The following DMD variants were observed in gnomAD, a reference collection of about 807,000 sequenced individuals.
DMD encodes the protein mutant dystrophin.
A neutral mutation model predicts 330.1 loss-of-function variants in DMD; 63 were observed. The observed-to-expected ratio is 0.19, with a 90% CI of 0.16 to 0.24. DMD has a LOEUF of 0.24. Among genes scored for constraint, DMD ranks in the 10% least tolerant of loss-of-function variants. The pLI, the probability that DMD is intolerant of heterozygous loss-of-function variation, is 1.00. For synonymous variants in DMD, 1,223 were observed against 959.8 expected (o/e 1.27, Z -5.07); for missense variants, 3,344 against 2,684.1 (o/e 1.25, Z -5.43).
intron 17 of DMD, among the ~76,000 whole-genome samples, chrX:32,520,840 C>G (rs1025036799): frequency 5.9e-5 from 6 of 102,354 alleles, no homozygotes; most frequent in Non-Finnish European, 1.2e-4. Context: ...AGCATCCTGC[C>G]ATACTTTTTT....
At position 32,558,438 on chromosome X, in the gene DMD, A is replaced by G. The variant is rs981238503; in HGVS notation, c.1992+7264T>C. Among the ~76,000 whole-genome samples, 59 of 111,995 alleles carry G rather than the reference A, an allele frequency of 5.3e-4. 1 individual carries two copies. The highest frequency in any genetic ancestry group is 1.7e-3 in the African/African-American group (54 of 30,905). On this transcript the variant is annotated intron_variant, in intron 16 of 78. Transcript: ENST00000357033. ...TTATGTGTTATTTCATTTTTTTGTCAGGAGATAATAGGCGTATCATACAGA... is the reference window on the plus strand; with the variant it reads ...TTATGTGTTATTTCATTTTTTTGTCGGGAGATAATAGGCGTATCATACAGA...
At chrX:32,469,739 G>T (rs928977329) in intron 22 of DMD, among the ~76,000 whole-genome samples, 1 of 110,925 alleles carries the variant, frequency 9.0e-6, no homozygotes, top group Non-Finnish European at 1.9e-5. Context: ...AACAAAAATT[G>T]TAATGGCTTT....
At chrX:32,412,715 T>C (rs2098148341) in intron 29 of DMD, among the ~76,000 whole-genome samples, 2 of 111,542 alleles carry the variant, frequency 1.8e-5, no homozygotes, top group Non-Finnish European at 3.8e-5. Context: ...AGGCAACTTA[T>C]TGGGAATTCA....
chrX:32,375,070 G>T (rs778667316), intron 34 of DMD, among the ~76,000 whole-genome samples: 2 of 110,942 alleles, frequency 1.8e-5, no homozygotes, highest in African/African-American at 6.5e-5. Context: ...GGATAGAACA[G>T]CACTGCTGCC....
chrX:32,758,798 G>A lies in DMD; in HGVS notation c.649+50695C>T, dbSNP rs1179541755. 3.6e-5 allele frequency among the ~76,000 whole-genome samples: 4 copies of A among 111,394 alleles called. No individual in the cohort carries two copies. In the South Asian group the frequency reaches 1.1e-3, roughly 32 times the overall value. On this transcript the variant is annotated intron_variant, in intron 7 of 78. Coordinates refer to ENST00000357033, the MANE Select transcript of DMD (RefSeq NM_004006.3). ...CTATTATTTTCACCTGGAGCAAAAC[G>A]ACCACAAATAGGGGCCATGTGCTCC...
chrX:32,087,069 A>T (rs2096444420), intron 44 of DMD, among the ~76,000 whole-genome samples: 1 of 111,733 alleles, frequency 8.9e-6, no homozygotes, highest in African/African-American at 3.3e-5. Context: ...TGCCTATCTT[A>T]ACCACCACTC....
At chrX:31,305,948 A>G (rs1188232905) in intron 62 of DMD, among the ~76,000 whole-genome samples, 1 of 112,432 alleles carries the variant, frequency 8.9e-6, no homozygotes, top group Non-Finnish European at 1.9e-5. Flanking sequence ...GAACATTAAA[A>G]ACAAACAAGA....
chrX:32,346,920 G>A (rs1212567889), intron 38 of DMD, among the ~76,000 whole-genome samples: 2 of 111,636 alleles, frequency 1.8e-5, no homozygotes, highest in Non-Finnish European at 3.8e-5. Context: ...TGAAAACTTT[G>A]TATCAAGTAG....
intron 11 of DMD, among the ~76,000 whole-genome samples, chrX:32,637,242 C>T (rs2059162103): frequency 8.9e-6 from 1 of 111,761 alleles, no homozygotes; most frequent in African/African-American, 3.3e-5. Context: ...TCACTCTCAA[C>T]TTCAAAAATT....
chrX:32,855,956 C>T (rs190255204), intron 2 of DMD, among the ~76,000 whole-genome samples: 94 of 111,376 alleles, frequency 8.4e-4, no homozygotes, highest in Non-Finnish European at 2.8e-4. Context: ...GCTCAAACAA[C>T]TCCATAGAAA....
At chrX:32,213,829 C>G (rs976204012) in intron 44 of DMD, among the ~76,000 whole-genome samples, 2 of 110,301 alleles carry the variant, frequency 1.8e-5, no homozygotes, top group Admixed American at 9.7e-5. Context: ...CAAAAATTAG[C>G]CAGGTGTGGG....
chrX:32,449,698 T>C (rs921494788), intron 26 of DMD, among the ~76,000 whole-genome samples: 1 of 109,488 alleles, frequency 9.1e-6, no homozygotes, highest in African/African-American at 3.3e-5. Flanking sequence ...GTGGTGGTCT[T>C]CGGTTGGGAG....
rs2032120286 is a variant in DMD, at chrX:31,120,096, A to AATT, written c.*1820_*1822dup. 1 of 111,808 alleles carries AATT rather than the reference A, an allele frequency of 8.9e-6. No individual in the cohort carries two copies. The highest frequency in any genetic ancestry group is 3.8e-4 in the South Asian group (1 of 2,652). The allele number at this position is 111,808 out of a possible 1,213,427, so 9.2% of individuals were successfully genotyped here. A position where few individuals can be genotyped will look rare whatever the true frequency, so the allele number is the denominator to read the frequency against. The stretch of plus-strand genomic sequence containing the variant: ...GATGTCAGCCCACTCTCCAAAAGCT[A>AATT]ATTACACTTGATGTCAGAGGTAACA... On this transcript the variant is annotated 3_prime_UTR_variant, in exon 79 of 79. Transcript: ENST00000357033.
chrX:32,750,130 G>T (rs182232901), intron 7 of DMD, among the ~76,000 whole-genome samples: 7 of 111,921 alleles, frequency 6.3e-5, no homozygotes, highest in Non-Finnish European at 1.3e-4. Context: ...ACAACATTAA[G>T]AATAAACAGA....
chrX:33,319,566 T>A (rs968938027), intron 1 of DMD, among the ~76,000 whole-genome samples: 1 of 111,991 alleles, frequency 8.9e-6, no homozygotes, highest in Admixed American at 9.5e-5. Flanking sequence ...CTTTTAAAGA[T>A]CTTATCGTGT....
chrX:32,529,431 T>C lies in DMD; in HGVS notation c.2169-11300A>G, dbSNP rs112833150. Among the ~76,000 whole-genome samples the C allele has an allele frequency of 0.013, 880 of 69,947 alleles. 31 individuals carry two copies. In the Admixed American group the frequency reaches 0.13, roughly 10 times the overall value. 60.7% of individuals were successfully genotyped at this position (69,947 alleles called of 115,157 possible). A position where few individuals can be genotyped will look rare whatever the true frequency, so the allele number is the denominator to read the frequency against. On this transcript the variant is annotated intron_variant, in intron 17 of 78. Coordinates refer to ENST00000357033, the MANE Select transcript of DMD (RefSeq NM_004006.3). ...TTTTTTTTTTTGAGACAAAGTCTCA[T>C]TCTATCACCCAGGCTGGAGTGCAGT...
chrX:31,415,682 A>G (rs1412200803), intron 60 of DMD, among the ~76,000 whole-genome samples: 2 of 111,846 alleles, frequency 1.8e-5, no homozygotes, highest in African/African-American at 6.5e-5. Flanking sequence ...AATTTTGTTT[A>G]CCAATATCCT....
chrX:33,013,724 T>A (rs747650847), intron 2 of DMD, among the ~76,000 whole-genome samples: 1 of 112,741 alleles, frequency 8.9e-6, no homozygotes, highest in Non-Finnish European at 1.9e-5. Flanking sequence ...TTCACTGAAA[T>A]AATGTTTTGC....
At chrX:32,726,306 T>C (rs1327434460) in intron 7 of DMD, among the ~76,000 whole-genome samples, 1 of 111,071 alleles carries the variant, frequency 9.0e-6, no homozygotes, top group African/African-American at 3.3e-5. Context: ...CAGACAAAAT[T>C]TTGAATCTGT....
Sources: gnomAD v4.1 joint callset for allele counts (sites outside exome capture counted in the v4.1 genomes callset) on GRCh38, gnomAD v4.1.1 for gene constraint, MANE v1.5 for transcripts, NCBI Gene and HGNC (gene_info 2026-07-23, HGNC 2026-07-21) for gene names.